The following ZNF765 variants were observed in gnomAD, a reference collection of about 807,000 sequenced individuals.
ZNF765 encodes the protein zinc finger protein 765.
A neutral mutation model predicts 44.7 loss-of-function variants in ZNF765; 37 were observed. That is an observed-to-expected ratio of 0.83 (90% CI 0.64 to 1.09). The LOEUF (loss-of-function observed/expected upper bound fraction) is 1.09, where lower values mean the gene tolerates loss of function less well. ZNF765 is among the 50% of genes least tolerant of loss of function. The pLI is 0.00. For synonymous variants in ZNF765, 201 were observed against 213.7 expected (o/e 0.94, Z 0.52); for missense variants, 594 against 626.1 (o/e 0.95, Z 0.55).
chr19:53,404,631 G>T (rs538820221), intron 3 of ZNF765, among the ~76,000 whole-genome samples: 27 of 152,022 alleles, frequency 1.8e-4, no homozygotes, highest in Admixed American at 1.6e-3. Flanking sequence ...GTGTGTGTGT[G>T]TGTGTGTTTG....
downstream of ZNF765, among the ~76,000 whole-genome samples, chr19:53,415,964 T>G (rs11673686): frequency 4.6e-5 from 2 of 43,194 alleles, no homozygotes; most frequent in Non-Finnish European, 1.3e-4. Context: ...TTTTTTGTTT[T>G]TTGTTTTTGA....
rs1488262328 is a variant in ZNF765, at chr19:53,408,011, C to T, written c.456C>T (p.His152=). 7 of 1,614,174 alleles carry T rather than the reference C, an allele frequency of 4.3e-6. No homozygotes were observed. The East Asian group carries it at 6.7e-5, about 15-fold the overall frequency. ...TTCATTCGCATCTGCCTGAACTGCA[C>T]ATATTTCACACTGAAGAGAAAATTG... is the stretch of plus-strand genomic sequence containing the variant. ...FSFHSHLPEL[H]IFHTEEKIDN... Residue 152 remains histidine, a synonymous_variant, in exon 4 of 4, where the codon CAC becomes CAT. Transcript: ENST00000396408.
chr19:53,420,883 A>C (rs780155823), intron 3 of ZNF765, among the ~76,000 whole-genome samples: 16 of 152,088 alleles, frequency 1.1e-4, no homozygotes, highest in Non-Finnish European at 2.1e-4. Context: ...GTTTCTCCCC[A>C]TGTGATAGCC....
chr19:53,408,718 G>A lies in ZNF765; in HGVS notation c.1163G>A (p.Cys388Tyr), dbSNP rs895541945. The change falls in exon 4 of 4, where the codon TGT becomes TAT. Residue 388 changes from cysteine to tyrosine, a missense_variant. Cys to Tyr is a radical substitution (Grantham distance 194). This residue lies in a region of ZNF765 where 567 missense variants were observed against 572.6 expected (regional missense o/e 0.99). Transcript: ENST00000396408. ...TGEKPYKCNE[C>Y]SKTFSHKSSL... Reference sequence around the variant, plus strand: ...GAGAAACCTTACAAGTGTAATGAGTGTAGCAAGACCTTTAGTCACAAGTCA... The same window carrying A: ...GAGAAACCTTACAAGTGTAATGAGTATAGCAAGACCTTTAGTCACAAGTCA... 1.3e-6 allele frequency: 2 copies of A among 1,532,478 alleles called. No individual in the cohort carries two copies. The highest frequency in any genetic ancestry group is 1.8e-6 in the Non-Finnish European group (2 of 1,128,524). 94.9% of individuals were successfully genotyped at this position (1,532,478 alleles called of 1,614,324 possible). A position where few individuals can be genotyped will look rare whatever the true frequency, so the allele number is the denominator to read the frequency against.
chr19:53,414,948 A>G (rs2085866040), downstream of ZNF765, among the ~76,000 whole-genome samples: 1 of 152,174 alleles, frequency 6.6e-6, no homozygotes, highest in South Asian at 2.1e-4. Flanking sequence ...ATTTTAAAAA[A>G]TGCGTAGATC....
At position 53,398,129 on chromosome 19, in the gene ZNF765, A is replaced by G. The variant is rs2085688705; in HGVS notation, c.15+99A>G. 5.6e-6 allele frequency: 9 copies of G among 1,602,856 alleles called. No homozygotes were observed. The Admixed American group carries it at 1.2e-4, about 21-fold the overall frequency. On this transcript the variant is annotated intron_variant, in intron 2 of 3. Transcript: ENST00000396408. ...CTCTGAGTCTGAAGCATCTTGCCTGACAGGTTTGCTCGCACTCACCCATGC... is the reference window on the plus strand; with the variant it reads ...CTCTGAGTCTGAAGCATCTTGCCTGGCAGGTTTGCTCGCACTCACCCATGC...
At chr19:53,424,358 G>A (rs1394284545) in exon 4 of ZNF765, 5 of 151,588 alleles carry the variant, frequency 3.3e-5, no homozygotes, top group Non-Finnish European at 7.4e-5. Flanking sequence ...CCTGTAATCC[G>A]AGCTACTTGG....
Position 53,408,206 on chromosome 19 carries a change from C to T in ZNF765, c.651C>T (p.Cys217=), listed in dbSNP as rs2085795189. Residue 217 remains cysteine (C), a synonymous_variant, in exon 4 of 4, where the codon TGC becomes TGT. Transcript: ENST00000396408. ...ATATGAGGGAAAAATCTTTCCAATG[C>T]AATGACAGTGGCAAAGCCTATAATT... is the stretch of plus-strand genomic sequence containing the variant. ...EVHMREKSFQ[C]NDSGKAYNCS... The T allele has an allele frequency of 6.2e-7, 1 of 1,614,056 alleles. No homozygotes were observed. The highest frequency in any genetic ancestry group is 8.5e-7 in the Non-Finnish European group (1 of 1,180,032).
intron 3 of ZNF765, among the ~76,000 whole-genome samples, chr19:53,405,021 C>T (rs2085761253): frequency 6.6e-6 from 1 of 152,052 alleles, no homozygotes; most frequent in Non-Finnish European, 1.5e-5. Context: ...AGTTTGAGAC[C>T]AGTCTTGCCA....
chr19:53,402,333 G>T (rs1490212079), intron 3 of ZNF765, 142 bp downstream of exon 3: 34 of 1,410,486 alleles, frequency 2.4e-5, no homozygotes, highest in Admixed American at 1.7e-4. Flanking sequence ...CTCGGCTCAC[G>T]GCCAGCTCCG....
intron 3 of ZNF765, among the ~76,000 whole-genome samples, chr19:53,419,405 G>C (rs1179159969): frequency 6.6e-6 from 1 of 152,174 alleles, no homozygotes; most frequent in Non-Finnish European, 1.5e-5. Flanking sequence ...TAAATGGAGA[G>C]TCATTGTTTC....
chr19:53,405,903 CTATATATAT>C (rs2085768529), intron 3 of ZNF765, among the ~76,000 whole-genome samples: 1 of 49,170 alleles, frequency 2.0e-5, no homozygotes, highest in African/African-American at 5.9e-5. Context: ...TTAATACCAA[CTATATATAT>C]ATATATATAT....
chr19:53,395,337 C>G (rs897436100), intron 1 of ZNF765, 144 bp downstream of exon 1: 15 of 152,450 alleles, frequency 9.8e-5, no homozygotes, highest in African/African-American at 3.6e-4. Context: ...CCGTGAGAGT[C>G]CGGGGGTCGC....
intron 2 of ZNF765, among the ~76,000 whole-genome samples, chr19:53,401,007 A>ATT (rs928781438): frequency 7.0e-6 from 1 of 142,372 alleles, no homozygotes; most frequent in Non-Finnish European, 1.5e-5. Context: ...TAATTCGCTA[A>ATT]TTTTTTTTTT....
chr19:53,406,841 A>G (rs555055093), intron 3 of ZNF765, among the ~76,000 whole-genome samples: 2 of 152,240 alleles, frequency 1.3e-5, no homozygotes, highest in East Asian at 3.9e-4. Flanking sequence ...CTTGAACCCA[A>G]AAGGTGGAGG....
chr19:53,412,982 T>C (rs2085844807), downstream of ZNF765, among the ~76,000 whole-genome samples: 1 of 152,146 alleles, frequency 6.6e-6, no homozygotes, highest in Non-Finnish European at 1.5e-5. Context: ...TGGTGGCAGA[T>C]GCCAGTAATC....
chr19:53,426,240 G>A (rs985122933), exon 4 of ZNF765: 20 of 152,714 alleles, frequency 1.3e-4, no homozygotes, highest in African/African-American at 4.6e-4. Flanking sequence ...CTGCTCTGGG[G>A]TCAGCGGGGA....
exon 4 of ZNF765, chr19:53,425,579 T>G (rs1419494792): frequency 6.6e-6 from 1 of 152,310 alleles, no homozygotes; most frequent in African/African-American, 2.4e-5. Flanking sequence ...CCCAAAGTGC[T>G]GGGATTACAG....
intron 2 of ZNF765, among the ~76,000 whole-genome samples, chr19:53,399,072 A>G (rs534437704): frequency 1.1e-3 from 172 of 151,846 alleles, no homozygotes; most frequent in Non-Finnish European, 2.1e-3. Flanking sequence ...TATTAAATAT[A>G]TATTTTTCTT....
Sources: gnomAD v4.1 joint callset for allele counts (sites outside exome capture counted in the v4.1 genomes callset) on GRCh38, gnomAD v4.1.1 for gene constraint, gnomAD v4.1.1 regional missense constraint, MANE v1.5 for transcripts, NCBI Gene and HGNC (gene_info 2026-07-23, HGNC 2026-07-21) for gene names.